PCYOX1: variants seen among roughly 807,000 people sequenced by gnomAD.
The protein encoded by PCYOX1 is prenylcysteine lyase.
Under a neutral mutation model 46.4 loss-of-function variants are expected in PCYOX1, and 46 were observed. The observed-to-expected ratio is 0.99, with a 90% CI of 0.78 to 1.27. The LOEUF (loss-of-function observed/expected upper bound fraction) is 1.27, where lower values mean the gene tolerates loss of function less well. Among genes scored for constraint, PCYOX1 ranks in the 50% most tolerant of loss-of-function variants. PCYOX1 has a pLI of 0.00. For synonymous variants in PCYOX1, 220 were observed against 231.8 expected, an observed-to-expected ratio of 0.95 and a Z score of 0.46; for missense variants, 658 against 628.3, an observed-to-expected ratio of 1.05 and a Z score of -0.51.
rs151166815 is a variant in PCYOX1, at chr2:70,277,309, C to G, written c.1435C>G (p.Leu479Val). The G allele has an allele frequency of 1.9e-6, 3 of 1,613,998 alleles. No homozygotes were observed. Among genetic ancestry groups the G allele is most frequent in the East Asian group, 4.5e-5 (2 of 44,884 alleles). Residue 479 changes from leucine to valine, a missense_variant, in exon 6 of 6, where the codon CTC (leucine) becomes GTC (valine). Transcript: ENST00000433351. ...MSAIAAHNAALLAYHRWNGHT... is the reference protein window; with the variant it reads ...MSAIAAHNAAVLAYHRWNGHT... The stretch of plus-strand genomic sequence containing the variant: ...TGCCATTGCAGCCCACAACGCTGCA[C>G]TCCTTGCCTATCACCGCTGGAACGG...
rs201028405 is a variant in PCYOX1 at position 70,276,797 on chromosome 2, A to G, written c.923A>G (p.Tyr308Cys). 27 of 1,612,742 alleles carry G rather than the reference A, an allele frequency of 1.7e-5. No individual in the cohort carries two copies. Among genetic ancestry groups the G allele is most frequent in the African/African-American group, 4.0e-5 (3 of 75,032 alleles). ...QIGTETRSDF[Y>C]DIVLVATPLN... ...GGAACTGAGACTCGTTCAGACTTCT[A>G]TGACATCGTCTTGGTGGCCACTCCG... Residue 308 changes from tyrosine to cysteine, a missense_variant, in exon 6 of 6, where the codon TAT becomes TGT. Tyr to Cys is a radical substitution (Grantham distance 194, BLOSUM62 -2). Coordinates refer to ENST00000433351, the MANE Select transcript of PCYOX1 (RefSeq NM_016297.4).
At chr2:70,261,031 C>T (rs1211952758) in intron 2 of PCYOX1, among the ~76,000 whole-genome samples, 181 bp from the exon 3 acceptor site, 4 of 152,202 alleles carry the variant, frequency 2.6e-5, no homozygotes, top group African/African-American at 7.2e-5. Flanking sequence ...TCTGACCCAT[C>T]GCCTAGCAAA....
rs1696678316 is a variant in PCYOX1 at position 70,276,827 on chromosome 2, A to G, written c.953A>G (p.Asn318Ser). Residue 318 changes from asparagine to serine, a missense_variant, in exon 6 of 6, where the codon AAT becomes AGT. Physicochemically the swap from Asn to Ser is conservative, Grantham distance 46. Transcript: ENST00000433351. ...ATCGTCTTGGTGGCCACTCCGTTGA[A>G]TCGAAAAATGTCGAATATTACTTTT... is the stretch of plus-strand genomic sequence containing the variant. ...YDIVLVATPL[N>S]RKMSNITFLN... The G allele has an allele frequency of 1.9e-6, 3 of 1,613,498 alleles. No homozygotes were observed. Among genetic ancestry groups the G allele is most frequent in the South Asian group, 2.2e-5 (2 of 91,056 alleles).
chr2:70,278,408 A>G lies in PCYOX1; in HGVS notation c.*1016A>G, dbSNP rs1317494068. ...AGAAGTCCTAAGAAGCCCAATCTGTATCAAAGCAGATCCATTTTGCAAGGA... is the reference window on the plus strand; with the variant it reads ...AGAAGTCCTAAGAAGCCCAATCTGTGTCAAAGCAGATCCATTTTGCAAGGA... On this transcript the variant is annotated 3_prime_UTR_variant, in exon 6 of 6. Transcript: ENST00000433351. The G allele has an allele frequency of 6.6e-6, 1 of 152,668 alleles. No homozygotes were observed. Among genetic ancestry groups the G allele is most frequent in the Non-Finnish European group, 1.5e-5 (1 of 68,038 alleles). 9.5% of individuals were successfully genotyped at this position (152,668 alleles called of 1,614,324 possible). A position where few individuals can be genotyped will look rare whatever the true frequency, so the allele number is the denominator to read the frequency against.
Position 70,259,460 on chromosome 2 carries a change from C to T in PCYOX1, c.213C>T (p.Val71=), listed in dbSNP as rs780154180. Reference sequence around the variant, plus strand: ...TAGACCTGTTTGAAAGAGAAGAGGTCGGGGGCCGCCTGGCTACCATGATGG... The same window carrying T: ...TAGACCTGTTTGAAAGAGAAGAGGTTGGGGGCCGCCTGGCTACCATGATGG... The part of the protein sequence containing the change: ...VKIDLFEREE[V]GGRLATMMVQ... Residue 71 remains valine, a synonymous_variant, in exon 2 of 6, where the codon GTC becomes GTT. Transcript: ENST00000433351. 55 of 1,613,828 alleles carry T rather than the reference C, an allele frequency of 3.4e-5. No individual in the cohort carries two copies. Among genetic ancestry groups the T allele is most frequent in the South Asian group, 3.2e-4 (29 of 91,074 alleles).
At position 70,269,974 on chromosome 2, in the gene PCYOX1, T is replaced by A. The variant is rs1455288470; in HGVS notation, c.495-4985T>A. 2.0e-5 allele frequency among the ~76,000 whole-genome samples: 3 copies of A among 152,252 alleles called. No individual in the cohort carries two copies. In the East Asian group the frequency reaches 5.8e-4, roughly 29 times the overall value. On this transcript the variant is annotated intron_variant, in intron 3 of 5. Transcript: ENST00000433351. ...AAGGGTGCTGGTTTTATTTTTTATT[T>A]TTTTTTCTCTCTCTCTTTTTCTCTT...
rs34412656 is a variant in PCYOX1, at chr2:70,259,445, T to C, written c.198T>C (p.Phe66=). The change falls in exon 2 of 6, where the codon TTT becomes TTC. Residue 66 remains phenylalanine, a synonymous_variant. Transcript: ENST00000433351. ...KFGKDVKIDL[F]EREEVGGRLA... ...GGAAAGATGTGAAGATAGACCTGTT[T>C]GAAAGAGAAGAGGTCGGGGGCCGCC... 1.2e-6 allele frequency: 2 copies of C among 1,614,110 alleles called. No individual in the cohort carries two copies. The highest frequency in any genetic ancestry group is 4.5e-5 in the East Asian group (2 of 44,890).
intron 2 of PCYOX1, among the ~76,000 whole-genome samples, chr2:70,259,767 T>C (rs1005976792): frequency 2.0e-5 from 3 of 152,062 alleles, no homozygotes; most frequent in Non-Finnish European, 4.4e-5. Flanking sequence ...TGTCTGTATC[T>C]TCAGTTATCT....
chr2:70,263,535 T>C (rs543500339), intron 3 of PCYOX1, among the ~76,000 whole-genome samples: 18 of 152,140 alleles, frequency 1.2e-4, no homozygotes, highest in Admixed American at 2.0e-4. Context: ...ACCAAGGAAA[T>C]ATATAGAATT....
intron 3 of PCYOX1, among the ~76,000 whole-genome samples, chr2:70,265,920 C>G (rs1235204942): frequency 1.3e-5 from 2 of 152,134 alleles, no homozygotes; most frequent in African/African-American, 4.8e-5. Context: ...CCCAAACCCA[C>G]TCTATCTTGA....
At chr2:70,264,527 A>G (rs564953333) in intron 3 of PCYOX1, among the ~76,000 whole-genome samples, 1 of 151,126 alleles carries the variant, frequency 6.6e-6, no homozygotes, top group South Asian at 2.1e-4. Context: ...GGGTTTTACC[A>G]TGTTGGCTAG....
chr2:70,258,137 G>A lies in PCYOX1; in HGVS notation c.-28G>A, dbSNP rs1377714936. On this transcript the variant is annotated 5_prime_UTR_variant, in exon 1 of 6. Transcript: ENST00000433351. ...GCGGTGGGAGGACTGCGGGGCTCTT[G>A]AGGCCAGCTGCAGAGCTTGTGGAGG... is the stretch of plus-strand genomic sequence containing the variant. 7.1e-6 allele frequency: 11 copies of A among 1,552,742 alleles called. No individual in the cohort carries two copies. Among genetic ancestry groups the A allele is most frequent in the Non-Finnish European group, 9.6e-6 (11 of 1,147,352 alleles).
chr2:70,277,560 A>C lies in PCYOX1; in HGVS notation c.*168A>C, dbSNP rs1443451918. The C allele has an allele frequency of 1.7e-6, 1 of 599,124 alleles. No individual in the cohort carries two copies. The highest frequency in any genetic ancestry group is 1.9e-5 in the African/African-American group (1 of 53,842). 37.1% of individuals were successfully genotyped at this position (599,124 alleles called of 1,614,324 possible). On this transcript the variant is annotated 3_prime_UTR_variant, in exon 6 of 6. Coordinates refer to ENST00000433351, the MANE Select transcript of PCYOX1 (RefSeq NM_016297.4). ...AACACACGGTTCTAATTAAGTGTGA[A>C]GGTATAGCTATTGCACTTATGCCAT...
At chr2:70,266,355 A>C (rs921841431) in intron 3 of PCYOX1, among the ~76,000 whole-genome samples, 29 of 152,082 alleles carry the variant, frequency 1.9e-4, no homozygotes, top group Non-Finnish European at 3.8e-4. Context: ...TGGAAAAGAC[A>C]GTCTTCCCTC....
rs1007940815 is a variant in PCYOX1 at position 70,281,101 on chromosome 2, T to A, written c.*3709T>A. On this transcript the variant is annotated 3_prime_UTR_variant, in exon 6 of 6. Coordinates refer to ENST00000433351, the MANE Select transcript of PCYOX1 (RefSeq NM_016297.4). Reference sequence around the variant, plus strand: ...AAAGAACCATGATACACTGGAATGTTTTTCTCTGGAATCCTCTTTCTACTC... The same window carrying A: ...AAAGAACCATGATACACTGGAATGTATTTCTCTGGAATCCTCTTTCTACTC... The A allele has an allele frequency of 6.6e-6, 1 of 152,258 alleles. No individual in the cohort carries two copies. Among genetic ancestry groups the A allele is most frequent in the African/African-American group, 2.4e-5 (1 of 41,438 alleles). 9.4% of individuals were successfully genotyped at this position (152,258 alleles called of 1,614,324 possible).
intron 3 of PCYOX1, among the ~76,000 whole-genome samples, chr2:70,272,485 C>T (rs1331924330): frequency 1.3e-5 from 2 of 151,940 alleles, no homozygotes; most frequent in African/African-American, 2.4e-5. Context: ...TAGTCTTGAA[C>T]TCCTGGCCTC....
rs1384418553 is a variant in PCYOX1, at chr2:70,279,303, T to C, written c.*1911T>C. 1 of 152,212 alleles carries C rather than the reference T, an allele frequency of 6.6e-6. No individual in the cohort carries two copies. The highest frequency in any genetic ancestry group is 1.5e-5 in the Non-Finnish European group (1 of 68,042). The allele number at this position is 152,212 out of a possible 1,614,324, so 9.4% of individuals were successfully genotyped here. On this transcript the variant is annotated 3_prime_UTR_variant, in exon 6 of 6. Coordinates refer to ENST00000433351, the MANE Select transcript of PCYOX1 (RefSeq NM_016297.4). ...TCATGGTTTGTCAAAAGAGTGTTTT[T>C]TTCTAGTTTTATTCTTAACAGATAT...
At chr2:70,270,614 G>A (rs1189301871) in intron 3 of PCYOX1, among the ~76,000 whole-genome samples, 1 of 152,186 alleles carries the variant, frequency 6.6e-6, no homozygotes, top group Non-Finnish European at 1.5e-5. Context: ...TCCCCCAGGT[G>A]TTTGCCTGGT....
chr2:70,268,207 T>C (rs114877212), intron 3 of PCYOX1, among the ~76,000 whole-genome samples: 1,853 of 152,270 alleles, frequency 0.012, 26 homozygotes, highest in African/African-American at 0.042. Flanking sequence ...ATTACTGTTA[T>C]ATTGCTACCA....
Sources: gnomAD v4.1 joint callset for allele counts (sites outside exome capture counted in the v4.1 genomes callset) on GRCh38, gnomAD v4.1.1 for gene constraint, MANE v1.5 for transcripts, NCBI Gene and HGNC (gene_info 2026-07-23, HGNC 2026-07-21) for gene names.